CHST9: variants seen among roughly 807,000 people sequenced by gnomAD.
CHST9 encodes the protein GalNAc-4-sulfotransferase 2.
CHST9 carries 41 observed loss-of-function variants against 44.4 expected under a neutral mutation model. The observed-to-expected ratio is 0.92, with a 90% CI of 0.72 to 1.20. The LOEUF (loss-of-function observed/expected upper bound fraction) is 1.20. Ranked by LOEUF, CHST9 falls within the 50% of genes most tolerant of loss-of-function variation. The pLI is 0.00. For missense variants in CHST9, 504 were observed against 516.5 expected, an observed-to-expected ratio of 0.98 and a Z score of 0.23; for synonymous variants, 171 against 178.4, an observed-to-expected ratio of 0.96 and a Z score of 0.33.
At chr18:27,007,004 C>T (rs1199404633) in intron 4 of CHST9, among the ~76,000 whole-genome samples, 1 of 152,054 alleles carries the variant, frequency 6.6e-6, no homozygotes, top group African/African-American at 2.4e-5. Flanking sequence ...CGTGTATATG[C>T]GTGTGTGGGC....
At chr18:27,123,775 G>A (rs193117126) in intron 2 of CHST9, among the ~76,000 whole-genome samples, 110 of 152,202 alleles carry the variant, frequency 7.2e-4, no homozygotes, top group African/African-American at 2.3e-3. Context: ...GAGAGAGACT[G>A]GCAACAAGGC....
intron 1 of CHST9, among the ~76,000 whole-genome samples, chr18:27,149,335 C>A (rs998273356): frequency 2.6e-5 from 4 of 152,016 alleles, no homozygotes; most frequent in Non-Finnish European, 5.9e-5. Flanking sequence ...CTAATAATGG[C>A]CTCTAGCTCC....
chr18:27,030,231 A>G (rs1274074776), intron 3 of CHST9, among the ~76,000 whole-genome samples: 1 of 152,218 alleles, frequency 6.6e-6, no homozygotes, highest in Non-Finnish European at 1.5e-5. Context: ...AAATGTTTGT[A>G]CATGGGTCAT....
At chr18:26,928,713 A>G (rs1390156877) in intron 5 of CHST9, among the ~76,000 whole-genome samples, 1 of 152,168 alleles carries the variant, frequency 6.6e-6, no homozygotes, top group Admixed American at 6.5e-5. Context: ...AATGTAGAGC[A>G]TATCTCCCCA....
chr18:27,074,255 G>A (rs893453279), intron 2 of CHST9, among the ~76,000 whole-genome samples: 1 of 152,134 alleles, frequency 6.6e-6, no homozygotes, highest in African/African-American at 2.4e-5. Context: ...AGCTTAGCAT[G>A]AAGGATCTCT....
At chr18:27,064,636 T>C (rs1458640788) in intron 2 of CHST9, among the ~76,000 whole-genome samples, 1 of 152,206 alleles carries the variant, frequency 6.6e-6, no homozygotes, top group Admixed American at 6.5e-5. Context: ...AACATAAACA[T>C]TTGAAAGAAA....
At chr18:27,017,821 A>G (rs906658382) in intron 4 of CHST9, among the ~76,000 whole-genome samples, 1 of 152,162 alleles carries the variant, frequency 6.6e-6, no homozygotes, top group East Asian at 1.9e-4. Context: ...AGATTCTATT[A>G]TTTTGTTTAA....
intron 4 of CHST9, among the ~76,000 whole-genome samples, chr18:26,954,449 T>C (rs2056294309): frequency 6.6e-6 from 1 of 152,140 alleles, no homozygotes; most frequent in African/African-American, 2.4e-5. Flanking sequence ...ACTCTGGCTC[T>C]CTCCAAGTTC....
chr18:26,952,323 C>T lies in CHST9; in HGVS notation c.203-7957G>A, dbSNP rs1280822103. ...ACAATCCCCATTGTGGATCTCAACT[C>T]CACCAACTATGTCCTCAGGCAGGTA... On this transcript the variant is annotated intron_variant, in intron 4 of 5. Coordinates refer to ENST00000618847, the MANE Select transcript of CHST9 (RefSeq NM_031422.6). 3.3e-5 allele frequency: 17 copies of T among 511,722 alleles called. No homozygotes were observed. In the East Asian group the frequency reaches 9.3e-4, roughly 28 times the overall value. 31.7% of individuals were successfully genotyped at this position (511,722 alleles called of 1,614,324 possible).
intron 4 of CHST9, among the ~76,000 whole-genome samples, chr18:27,018,874 T>C (rs2057186359): frequency 6.6e-6 from 1 of 152,116 alleles, no homozygotes. Context: ...TATGGACACT[T>C]ATGAGATGGG....
intron 2 of CHST9, among the ~76,000 whole-genome samples, chr18:27,078,526 A>T (rs1357631297): frequency 6.6e-6 from 1 of 152,196 alleles, no homozygotes; most frequent in African/African-American, 2.4e-5. Context: ...CCTTAAAAAC[A>T]TCTTAAAAAC....
chr18:27,141,382 A>C (rs1217777982), intron 2 of CHST9, among the ~76,000 whole-genome samples: 2 of 151,042 alleles, frequency 1.3e-5, no homozygotes, highest in African/African-American at 4.9e-5. Flanking sequence ...AACAAACAAC[A>C]ACAAAATAGA....
intron 3 of CHST9, among the ~76,000 whole-genome samples, chr18:27,025,816 A>G (rs2057279424): frequency 6.6e-6 from 1 of 152,152 alleles, no homozygotes; most frequent in Admixed American, 6.5e-5. Flanking sequence ...TCACACTATC[A>G]TGGCTTAGTG....
At chr18:26,994,967 G>C (rs1348249844) in intron 4 of CHST9, among the ~76,000 whole-genome samples, 1 of 152,162 alleles carries the variant, frequency 6.6e-6, no homozygotes, top group Non-Finnish European at 1.5e-5. Flanking sequence ...GTTGTGAAAA[G>C]ACTGTGGCTT....
chr18:26,926,147 T>C (rs1275361370), intron 5 of CHST9, among the ~76,000 whole-genome samples: 1 of 152,190 alleles, frequency 6.6e-6, no homozygotes, highest in Non-Finnish European at 1.5e-5. Flanking sequence ...TGAATTACAG[T>C]CTTCTCCAAG....
chr18:27,141,742 T>TAAAAAAAA (rs35595422), intron 2 of CHST9, among the ~76,000 whole-genome samples: 1 of 122,044 alleles, frequency 8.2e-6, no homozygotes, highest in Admixed American at 8.4e-5. Flanking sequence ...TAGAATAACT[T>TAAAAAAAA]AAAAAAAAAA....
chr18:27,053,787 G>A (rs1430100213), intron 2 of CHST9, among the ~76,000 whole-genome samples: 1 of 152,060 alleles, frequency 6.6e-6, no homozygotes, highest in African/African-American at 2.4e-5. Context: ...CATTCATGCT[G>A]TTTCTGCTTC....
rs114226280 is a variant in CHST9 at position 26,913,554 on chromosome 18, G to A, written c.*2705C>T. 4 of 152,320 alleles carry A rather than the reference G, an allele frequency of 2.6e-5. No individual in the cohort carries two copies. The highest frequency in any genetic ancestry group is 6.5e-5 in the Admixed American group (1 of 15,310). 9.4% of individuals were successfully genotyped at this position (152,320 alleles called of 1,614,324 possible). A position where few individuals can be genotyped will look rare whatever the true frequency, so the allele number is the denominator to read the frequency against. On this transcript the variant is annotated 3_prime_UTR_variant, in exon 6 of 6. Coordinates refer to ENST00000618847, the MANE Select transcript of CHST9 (RefSeq NM_031422.6). ...ATTCCAGACAGGGGAATAACAGAGCGAAGGGGTCTGCCCATTGTGTTACTG... is the reference window on the plus strand; with the variant it reads ...ATTCCAGACAGGGGAATAACAGAGCAAAGGGGTCTGCCCATTGTGTTACTG...
At chr18:27,157,973 C>T (rs900262717) in intron 1 of CHST9, among the ~76,000 whole-genome samples, 1 of 152,020 alleles carries the variant, frequency 6.6e-6, no homozygotes, top group Admixed American at 6.6e-5. Flanking sequence ...TGGACTCATG[C>T]ATTGATCTCT....
Sources: allele counts gnomAD v4.1 joint callset (sites outside exome capture counted in the v4.1 genomes callset), GRCh38; gene constraint gnomAD v4.1.1; transcripts MANE v1.5; gene names NCBI Gene and HGNC (gene_info 2026-07-23, HGNC 2026-07-21).